Variants in FABP9 observed in about 807,000 individuals in gnomAD.
FABP9 encodes the protein fatty acid-binding protein 9.
FABP9 carries 11 observed loss-of-function variants against 14.7 expected under a neutral mutation model. The observed-to-expected ratio is 0.75, with a 90% CI of 0.47 to 1.24. The LOEUF is 1.24. Among genes scored for constraint, FABP9 ranks in the 50% most tolerant of loss-of-function variants. The pLI is 0.00. For missense variants in FABP9, 171 were observed against 158.2 expected, an observed-to-expected ratio of 1.08 and a Z score of -0.44; for synonymous variants, 54 against 50.6, an observed-to-expected ratio of 1.07 and a Z score of -0.29.
At chr8:81,461,368 T>C in intron 1 of FABP9, 83 bp downstream of exon 1, 1 of 929,544 alleles carries the variant, frequency 1.1e-6, no homozygotes, top group Non-Finnish European at 1.8e-6. Flanking sequence ...AAGATAATTG[T>C]AGGAAAATTC....
At chr8:81,459,138 TG>T in intron 2 of FABP9, 26 bp downstream of exon 2, 1 of 1,558,000 alleles carries the variant, frequency 6.4e-7, no homozygotes, top group Non-Finnish European at 8.6e-7. Flanking sequence ...TCCTGATTGT[TG>T]AACACCAGGA....
chr8:81,459,047 G>A lies in FABP9; in HGVS notation c.246+118C>T, dbSNP rs558298954. 8 of 838,518 alleles carry A rather than the reference G, an allele frequency of 9.5e-6. No homozygotes were observed. The South Asian group carries it at 1.1e-4, about 11-fold the overall frequency. The allele number at this position is 838,518 out of a possible 1,614,324, so 51.9% of individuals were successfully genotyped here. On this transcript the variant is annotated intron_variant, in intron 2 of 3. Transcript: ENST00000379071. ...AAAAGGATTAACTTTAGAGATGTGC[G>A]ACTATTAACAGAACAAGCCCAGACA...
chr8:81,458,580 C>T lies in FABP9; in HGVS notation c.348+22G>A, dbSNP rs773204474. ...TGTATCAAATAGGAACATATAAAGACTTCAATTTAAAGAAAACTTACCACT... is the reference window on the plus strand; with the variant it reads ...TGTATCAAATAGGAACATATAAAGATTTCAATTTAAAGAAAACTTACCACT... On this transcript the variant is annotated intron_variant, in intron 3 of 3. Coordinates refer to ENST00000379071, the MANE Select transcript of FABP9 (RefSeq NM_001080526.2). 14 of 1,566,076 alleles carry T rather than the reference C, an allele frequency of 8.9e-6. No homozygotes were observed. The South Asian group carries it at 1.4e-4, about 16-fold the overall frequency.
rs371284911 is a variant in FABP9 at position 81,458,711 on chromosome 8, T to C, written c.247-8A>G. On this transcript the variant is annotated splice_polypyrimidine_tract_variant and splice_region_variant and intron_variant, in intron 2 of 3. Transcript: ENST00000379071. ...CTCTAATGTTATGGTGCTCTATAAATGCATAAAGAAATCAGAAGTAGCAAC... is the reference window on the plus strand; with the variant it reads ...CTCTAATGTTATGGTGCTCTATAAACGCATAAAGAAATCAGAAGTAGCAAC... 3 of 1,599,338 alleles carry C rather than the reference T, an allele frequency of 1.9e-6. No homozygotes were observed. In the African/African-American group the frequency reaches 4.0e-5, roughly 21 times the overall value.
chr8:81,459,667 T>G (rs1807658027), intron 1 of FABP9, among the ~76,000 whole-genome samples: 1 of 152,168 alleles, frequency 6.6e-6, no homozygotes. Flanking sequence ...GGAGTTTGAC[T>G]TAGAGCCTGG....
intron 1 of FABP9, among the ~76,000 whole-genome samples, chr8:81,460,120 C>A (rs1366693612): frequency 6.6e-6 from 1 of 152,148 alleles, no homozygotes; most frequent in Non-Finnish European, 1.5e-5. Context: ...CTGCCTCAGC[C>A]CCCCGAGTAG....
At chr8:81,461,395 C>A in intron 1 of FABP9, 56 bp downstream of exon 1, 1 of 1,163,262 alleles carries the variant, frequency 8.6e-7, no homozygotes, top group Non-Finnish European at 1.3e-6. Context: ...AAGTACAAAC[C>A]CAATCACATC....
intron 1 of FABP9, among the ~76,000 whole-genome samples, chr8:81,460,343 C>T (rs1049716967): frequency 6.6e-6 from 1 of 152,168 alleles, no homozygotes; most frequent in Non-Finnish European, 1.5e-5. Flanking sequence ...TAGCATGGTA[C>T]TGGCACATAG....
In FABP9 at chr8:81,461,542, A is replaced by G; in HGVS notation, c.-19T>C. The G allele has an allele frequency of 1.2e-6, 2 of 1,600,238 alleles. No homozygotes were observed. Among genetic ancestry groups the G allele is most frequent in the Non-Finnish European group, 1.7e-6 (2 of 1,167,558 alleles). On this transcript the variant is annotated 5_prime_UTR_variant, in exon 1 of 4. Transcript: ENST00000379071. ...CAACCATCATGGAACACTTGCTGAGAAGAGCCACTCGTAATTGAAAACCAA... is the reference window on the plus strand; with the variant it reads ...CAACCATCATGGAACACTTGCTGAGGAGAGCCACTCGTAATTGAAAACCAA...
chr8:81,458,534 A>C, intron 3 of FABP9, 68 bp downstream of exon 3: 1 of 1,502,438 alleles, frequency 6.7e-7, no homozygotes, highest in Non-Finnish European at 9.3e-7. Flanking sequence ...ATGCAAAAAC[A>C]ATTGAATAAC....
At position 81,458,374 on chromosome 8, in the gene FABP9, G is replaced by A; in HGVS notation, c.*9C>T. 1.2e-6 allele frequency: 2 copies of A among 1,605,612 alleles called. No homozygotes were observed. The highest frequency in any genetic ancestry group is 1.7e-6 in the Non-Finnish European group (2 of 1,172,522). ...CAGTGAACAAGTTTTCATTGCTGTG[G>A]ACCTTTCTTCACACCTTTTCGTAGA... On this transcript the variant is annotated 3_prime_UTR_variant, in exon 4 of 4. Transcript: ENST00000379071.
Position 81,458,328 on chromosome 8 carries a change from C to T in FABP9, c.*55G>A. The T allele has an allele frequency of 7.3e-7, 1 of 1,364,420 alleles. No individual in the cohort carries two copies. The highest frequency in any genetic ancestry group is 1.2e-5 in the South Asian group (1 of 84,926). The allele number at this position is 1,364,420 out of a possible 1,614,324, so 84.5% of individuals were successfully genotyped here. On this transcript the variant is annotated 3_prime_UTR_variant, in exon 4 of 4. Transcript: ENST00000379071. ...AATCACCAGCCCTGAGGCATATCTT[C>T]TTCAGGTACCAGTTCCTTGTCAGTG...
rs1563522363 is a variant in FABP9 at position 81,459,190 on chromosome 8, G to C, written c.221C>G (p.Thr74Ser). The C allele has an allele frequency of 3.1e-6, 5 of 1,589,910 alleles. No homozygotes were observed. Among genetic ancestry groups the C allele is most frequent in the Admixed American group, 3.7e-5 (2 of 54,668 alleles). The change falls in exon 2 of 4, where the codon ACT becomes AGT. Residue 74 changes from threonine to serine, a missense_variant. Thr to Ser is a moderately conservative substitution (Grantham distance 58). Coordinates refer to ENST00000379071, the MANE Select transcript of FABP9 (RefSeq NM_001080526.2). ...CTTTACTTTCCGGTTGTCTGCTGTA[G>C]TTTCATCAAATTCTTCCCCCAGCTT... is the stretch of plus-strand genomic sequence containing the variant. ...SFKLGEEFDE[T>S]TADNRKVKST... is the part of the protein sequence containing the mutation.
At chr8:81,459,374 A>G (rs1219961659) in intron 1 of FABP9, 37 bp from the exon 2 acceptor site, 4 of 1,458,228 alleles carry the variant, frequency 2.7e-6, no homozygotes, top group African/African-American at 1.5e-5. Flanking sequence ...TTATTAAGAC[A>G]TTGTTAACAA....
At position 81,458,657 on chromosome 8, in the gene FABP9, C is replaced by T. The variant is rs1449695587; in HGVS notation, c.293G>A (p.Trp98Ter). 1.1e-5 allele frequency: 17 copies of T among 1,613,660 alleles called. No individual in the cohort carries two copies. Among genetic ancestry groups the T allele is most frequent in the Admixed American group, 1.7e-5 (1 of 59,978 alleles). Residue 98 changes from tryptophan to a stop codon, truncating the protein, a stop_gained, in exon 3 of 4, where the codon TGG becomes TAG. Transcript: ENST00000379071. LOFTEE classifies it high-confidence loss of function. ...TTTGATTGTTGTCTCTTTGCCAAGCCATTTTTGGACGTGAATCATTGAGCC... is the reference window on the plus strand; with the variant it reads ...TTTGATTGTTGTCTCTTTGCCAAGCTATTTTTGGACGTGAATCATTGAGCC... Reference protein sequence around the residue: ...ENGSMIHVQKWLGKETTIKRK... With the variant: ...ENGSMIHVQK
At position 81,458,283 on chromosome 8, in the gene FABP9, A is replaced by G; in HGVS notation, c.*100T>C. ...TTTGATGCTTTTATTAAGCAAATTT[A>G]TATTGAGACATTTTTTAAAAATCAC... On this transcript the variant is annotated 3_prime_UTR_variant, in exon 4 of 4. Transcript: ENST00000379071. 1 of 893,194 alleles carries G rather than the reference A, an allele frequency of 1.1e-6. No individual in the cohort carries two copies. Among genetic ancestry groups the G allele is most frequent in the East Asian group, 2.4e-5 (1 of 41,286 alleles). 55.3% of individuals were successfully genotyped at this position (893,194 alleles called of 1,614,324 possible). A position where few individuals can be genotyped will look rare whatever the true frequency, so the allele number is the denominator to read the frequency against.
chr8:81,460,208 C>A (rs1585803411), intron 1 of FABP9, among the ~76,000 whole-genome samples: 1 of 152,286 alleles, frequency 6.6e-6, no homozygotes, highest in East Asian at 1.9e-4. Flanking sequence ...CCATGTTGGC[C>A]AGGCTGATCT....
chr8:81,460,622 T>C (rs943552763), intron 1 of FABP9, among the ~76,000 whole-genome samples: 6 of 152,200 alleles, frequency 3.9e-5, no homozygotes, highest in Non-Finnish European at 7.3e-5. Flanking sequence ...TATTTCATTG[T>C]CTAGAATGAG....
intron 2 of FABP9, 138 bp downstream of exon 2, chr8:81,459,027 G>A: frequency 4.2e-6 from 3 of 720,298 alleles, no homozygotes; most frequent in Admixed American, 3.0e-5. Flanking sequence ...TTAGCAAAAG[G>A]ATTAACTTTA....
Sources: allele counts gnomAD v4.1 joint callset (sites outside exome capture counted in the v4.1 genomes callset), GRCh38; gene constraint gnomAD v4.1.1; transcripts MANE v1.5; gene names NCBI Gene and HGNC (gene_info 2026-07-23, HGNC 2026-07-21).